The following DHX35 variants were observed in gnomAD, a reference collection of about 807,000 sequenced individuals.
DHX35 encodes the protein probable ATP-dependent RNA helicase DHX35.
A neutral mutation model predicts 99.6 loss-of-function variants in DHX35; 84 were observed. The observed-to-expected ratio is 0.84, with a 90% CI of 0.71 to 1.01. The LOEUF (loss-of-function observed/expected upper bound fraction) is 1.01. Ranked by LOEUF, DHX35 falls within the 50% of genes least tolerant of loss-of-function variation. The pLI, the probability that DHX35 is intolerant of heterozygous loss-of-function variation, is 0.00. For missense variants in DHX35, 852 were observed against 888.5 expected (o/e 0.96, Z 0.52); for synonymous variants, 331 against 316.2 (o/e 1.05, Z -0.50).
chr20:38,991,111 G>C (rs941685140), intron 5 of DHX35, among the ~76,000 whole-genome samples: 4 of 152,280 alleles, frequency 2.6e-5, no homozygotes, highest in Non-Finnish European at 5.9e-5. Context: ...CTTACACTTA[G>C]GGTGTTTCTT....
intron 4 of DHX35, among the ~76,000 whole-genome samples, chr20:38,985,370 T>G (rs2086234407): frequency 9.0e-6 from 1 of 111,006 alleles, no homozygotes; most frequent in Admixed American, 1.1e-4. Flanking sequence ...CTTTACCCTA[T>G]CTCCAAAAAA....
chr20:39,027,219 T>C (rs753137475), intron 18 of DHX35, among the ~76,000 whole-genome samples: 2 of 152,208 alleles, frequency 1.3e-5, no homozygotes, highest in Non-Finnish European at 2.9e-5. Flanking sequence ...ACATGTAGAT[T>C]TGAGATTTTA....
intron 2 of DHX35, among the ~76,000 whole-genome samples, chr20:38,972,004 GTTTT>G (rs752049458): frequency 9.9e-5 from 8 of 81,044 alleles, no homozygotes; most frequent in African/African-American, 3.4e-4. Context: ...GTTTTGTTTT[GTTTT>G]TTTTTTTTTT....
intron 3 of DHX35, 122 bp from the exon 4 acceptor site, chr20:38,983,577 C>T: frequency 3.0e-6 from 2 of 671,586 alleles, no homozygotes; most frequent in African/African-American, 1.8e-5. Context: ...CAAAGTTCTG[C>T]TGGGACAAGA....
intron 20 of DHX35, 47 bp downstream of exon 20, chr20:39,030,822 A>G (rs776909455): frequency 6.3e-6 from 10 of 1,590,474 alleles, no homozygotes; most frequent in Middle Eastern, 3.4e-4. Flanking sequence ...GAACAGGGCC[A>G]TGTTCTTGTT....
chr20:38,969,475 C>CT (rs1210325090), intron 2 of DHX35, among the ~76,000 whole-genome samples: 2 of 152,170 alleles, frequency 1.3e-5, no homozygotes, highest in Non-Finnish European at 2.9e-5. Context: ...CCCTTTATTC[C>CT]TTTCAGCTGT....
At chr20:38,968,370 C>T (rs2085940987) in intron 1 of DHX35, among the ~76,000 whole-genome samples, 1 of 152,168 alleles carries the variant, frequency 6.6e-6, no homozygotes, top group African/African-American at 2.4e-5. Flanking sequence ...GCCTTATTGC[C>T]ATCCTACAGT....
At chr20:39,034,065 A>C in intron 20 of DHX35, 141 bp from the exon 21 acceptor site, 1 of 647,174 alleles carries the variant, frequency 1.5e-6, no homozygotes, top group East Asian at 2.7e-5. Flanking sequence ...GTGGTGAGCA[A>C]CATAAATGCA....
At chr20:38,976,436 C>G (rs1382867471) in intron 3 of DHX35, among the ~76,000 whole-genome samples, 1 of 108,946 alleles carries the variant, frequency 9.2e-6, no homozygotes, top group African/African-American at 3.5e-5. Context: ...TTTTTTTTTA[C>G]TTATTCTTTC....
intron 20 of DHX35, among the ~76,000 whole-genome samples, chr20:39,033,545 C>T (rs1465978009): frequency 6.6e-6 from 1 of 152,142 alleles, no homozygotes; most frequent in Non-Finnish European, 1.5e-5. Context: ...TGGGGAACCA[C>T]AGTATGGCTG....
At chr20:38,976,550 G>T (rs1290776299) in intron 3 of DHX35, among the ~76,000 whole-genome samples, 1 of 151,680 alleles carries the variant, frequency 6.6e-6, no homozygotes, top group African/African-American at 2.4e-5. Flanking sequence ...ATCAAATCTG[G>T]GTCATTATCA....
At chr20:39,013,225 A>C (rs1174588035) in intron 13 of DHX35, among the ~76,000 whole-genome samples, 1 of 152,188 alleles carries the variant, frequency 6.6e-6, no homozygotes, top group African/African-American at 2.4e-5. Context: ...AGTACATATA[A>C]TTTTGTATAT....
intron 3 of DHX35, among the ~76,000 whole-genome samples, chr20:38,974,366 T>C (rs2086045600): frequency 6.6e-6 from 1 of 152,100 alleles, no homozygotes; most frequent in South Asian, 2.1e-4. Context: ...TCTGTAGACA[T>C]TAGAAACTTA....
intron 13 of DHX35, 91 bp from the exon 14 acceptor site, chr20:39,014,789 A>G (rs922329792): frequency 1.4e-6 from 2 of 1,476,820 alleles, no homozygotes; most frequent in Non-Finnish European, 1.9e-6. Context: ...GGCATGTTAG[A>G]GGGGAGAATG....
At chr20:38,977,809 G>T (rs1228412791) in intron 3 of DHX35, 2 of 534,364 alleles carry the variant, frequency 3.7e-6, no homozygotes, top group African/African-American at 3.9e-5. Context: ...TTTGATCTTG[G>T]TGTTGGTGGT....
At position 39,021,946 on chromosome 20, in the gene DHX35, T is replaced by C. The variant is rs756654463; in HGVS notation, c.1593+11T>C. ...CAGAAGTCTCACGCAGTAAGTCAGC[T>C]CTGTCCCCAGGCTGTCTGTACCAGT... On this transcript the variant is annotated intron_variant, in intron 16 of 21. Coordinates refer to ENST00000252011, the MANE Select transcript of DHX35 (RefSeq NM_021931.4). 7 of 1,613,474 alleles carry C rather than the reference T, an allele frequency of 4.3e-6. No homozygotes were observed. Among genetic ancestry groups the C allele is most frequent in the Middle Eastern group, 1.6e-4 (1 of 6,084 alleles).
At chr20:38,992,249 C>G (rs2086350376) in intron 6 of DHX35, 107 bp from the exon 7 acceptor site, 1 of 876,654 alleles carries the variant, frequency 1.1e-6, no homozygotes, top group Non-Finnish European at 1.8e-6. Context: ...ACTTTTGATG[C>G]AAAGTGATTG....
intron 15 of DHX35, among the ~76,000 whole-genome samples, chr20:39,019,448 T>A (rs1041861522): frequency 6.6e-6 from 1 of 152,256 alleles, no homozygotes; most frequent in South Asian, 2.1e-4. Context: ...CTTTTGGCTA[T>A]TGTGAATAAT....
chr20:38,976,019 A>G (rs1050090930), intron 3 of DHX35, among the ~76,000 whole-genome samples: 1 of 152,226 alleles, frequency 6.6e-6, no homozygotes, highest in Admixed American at 6.5e-5. Context: ...CTTAGCTGCC[A>G]GGGAACAGAG....
Sources: allele counts gnomAD v4.1 joint callset (sites outside exome capture counted in the v4.1 genomes callset), GRCh38; gene constraint gnomAD v4.1.1; transcripts MANE v1.5; gene names NCBI Gene and HGNC (gene_info 2026-07-23, HGNC 2026-07-21).